Variants in GTPBP1 observed in about 807,000 individuals in gnomAD.
GTPBP1 encodes the protein GTP binding protein 1, also known as GTP-binding protein 1.
Under a neutral mutation model 62.0 loss-of-function variants are expected in GTPBP1, and 23 were observed. The observed-to-expected ratio is 0.37, with a 90% confidence interval of 0.27 to 0.53. The LOEUF (loss-of-function observed/expected upper bound fraction) is 0.53, where lower values mean the gene tolerates loss of function less well. GTPBP1 is among the 20% of genes least tolerant of loss of function. GTPBP1 has a pLI of 0.89. For synonymous variants in GTPBP1, 344 were observed against 364.4 expected (o/e 0.94, Z 0.64); for missense variants, 640 against 917.3 (o/e 0.70, Z 3.90).
chr22:38,710,481 C>G (rs773815954), intron 2 of GTPBP1, among the ~76,000 whole-genome samples: 6 of 152,166 alleles, frequency 3.9e-5, no homozygotes, highest in Non-Finnish European at 8.8e-5. Context: ...CTTGCTGCTA[C>G]CTCTCTAGTT....
chr22:38,723,041 ATG>A, intron 5 of GTPBP1: 1 of 792,834 alleles, frequency 1.3e-6, no homozygotes, highest in South Asian at 1.4e-5. Flanking sequence ...TGGGATGTTC[ATG>A]TGGTCCAAAC....
chr22:38,738,845 C>T (rs907628457), downstream of GTPBP1: 13 of 1,595,304 alleles, frequency 8.1e-6, no homozygotes, highest in African/African-American at 8.0e-5. This position sits in a 1 kb window ranked among gnomAD's most constrained non-coding sequence, Gnocchi z 6.6. Context: ...GCTCAGAGCC[C>T]CCGCTGCTGT....
chr22:38,706,089 A>G lies in GTPBP1; in HGVS notation c.134A>G (p.Asp45Gly). 7.5e-7 allele frequency: 1 copy of G among 1,328,548 alleles called. No homozygotes were observed. The highest frequency in any genetic ancestry group is 9.6e-7 in the Non-Finnish European group (1 of 1,039,602). 82.3% of individuals were successfully genotyped at this position (1,328,548 alleles called of 1,614,324 possible). ...CGACTCCACGGCGGCTTTGACTCGG[A>G]CTGCAGCGAGGACGGCGAGGCGCTC... ...AARLHGGFDSDCSEDGEALNG... is the reference protein window; with the variant it reads ...AARLHGGFDSGCSEDGEALNG... Residue 45 changes from aspartate to glycine, a missense_variant, in exon 1 of 12, where the codon GAC becomes GGC. By Grantham distance (94) the Asp-to-Gly change is moderately conservative (BLOSUM62 -1). Transcript: ENST00000216044.
rs2092669375 is a variant in GTPBP1, at chr22:38,716,179, C to A, written c.485+92C>A. 3 of 1,051,112 alleles carry A rather than the reference C, an allele frequency of 2.9e-6. No individual in the cohort carries two copies. The highest frequency in any genetic ancestry group is 4.3e-6 in the Non-Finnish European group (3 of 701,386). 65.1% of individuals were successfully genotyped at this position (1,051,112 alleles called of 1,614,324 possible). On this transcript the variant is annotated intron_variant, in intron 3 of 11. Transcript: ENST00000216044. This position sits in a 1 kb window ranked among gnomAD's most constrained non-coding sequence, Gnocchi z 5.2. ...ACTTGGCGTGTCAGCTCCATCCTTT[C>A]CCCTCCTGAGGCGGGGAAAGAGTGT...
downstream of GTPBP1, chr22:38,738,502 G>A (rs1233749507): frequency 6.5e-7 from 1 of 1,535,202 alleles, no homozygotes; most frequent in African/African-American, 1.4e-5. The surrounding 1 kb of genome is among the most constrained non-coding windows in gnomAD (Gnocchi z 6.6). Context: ...TCCAGTCCAA[G>A]GGTGACCCTG....
chr22:38,738,807 G>A, downstream of GTPBP1: 2 of 1,600,134 alleles, frequency 1.2e-6, no homozygotes, highest in South Asian at 1.1e-5. The surrounding 1 kb of genome is among the most constrained non-coding windows in gnomAD (Gnocchi z 6.6). Flanking sequence ...AGCTCTTGCT[G>A]ACCCCAGATG....
chr22:38,742,291 C>T, downstream of GTPBP1: 3 of 1,586,766 alleles, frequency 1.9e-6, no homozygotes, highest in Non-Finnish European at 2.6e-6. Flanking sequence ...TGAGGTATTC[C>T]ACCTCCTACC....
chr22:38,711,023 C>T (rs1301692409), intron 2 of GTPBP1, among the ~76,000 whole-genome samples: 1 of 152,140 alleles, frequency 6.6e-6, no homozygotes, highest in Non-Finnish European at 1.5e-5. Flanking sequence ...AGTGACTCCT[C>T]CTGCTGGAAT....
intron 4 of GTPBP1, among the ~76,000 whole-genome samples, chr22:38,717,251 CT>C (rs1569279065): frequency 6.6e-6 from 1 of 152,156 alleles, no homozygotes; most frequent in Non-Finnish European, 1.5e-5. Flanking sequence ...CCTTGAAGAC[CT>C]GTCTTATTTT....
At chr22:38,721,206 A>C (rs1020640024) in intron 4 of GTPBP1, among the ~76,000 whole-genome samples, 2 of 152,136 alleles carry the variant, frequency 1.3e-5, no homozygotes, top group African/African-American at 4.8e-5. Flanking sequence ...CAGCCTCCTG[A>C]GTAGCTGGGA....
chr22:38,729,555 GA>G lies in GTPBP1; in HGVS notation c.1811del (p.Glu604GlyfsTer10). 6.2e-7 allele frequency: 1 copy of G among 1,604,760 alleles called. No individual in the cohort carries two copies. On this transcript the variant is annotated frameshift_variant, in exon 11 of 12. Transcript: ENST00000216044. LOFTEE classifies it high-confidence loss of function. ...AAAGGGCCCCCTGACGAAACGAGAC[GA>G]GGGGGGCCCGTCTGGTGGGCCAGCA... ...TKKGPLTKRD[E>X]GGPSGGPAVG...
intron 11 of GTPBP1, 146 bp downstream of exon 11, chr22:38,729,808 A>C (rs911941014): frequency 5.8e-6 from 3 of 513,816 alleles, no homozygotes; most frequent in Admixed American, 4.0e-5. Context: ...CCTAAGAATG[A>C]GGCATTTGTC....
chr22:38,708,978 C>CT, intron 2 of GTPBP1, 22 bp downstream of exon 2: 1 of 1,419,146 alleles, frequency 7.0e-7, no homozygotes, highest in Non-Finnish European at 1.0e-6. Flanking sequence ...TTTCCTTTCA[C>CT]TTTATTTTTA....
In GTPBP1 at chr22:38,726,589, C is replaced by A; in HGVS notation, c.1401+149C>A. On this transcript the variant is annotated intron_variant, in intron 8 of 11. Transcript: ENST00000216044. The surrounding 1 kb of genome is among the most constrained non-coding windows in gnomAD (Gnocchi z 4.1). ...TTTTACAGATGAGGAAACTGAGGCT[C>A]AGAGCCCAGGGACTTGCCCAAGACA... 1.4e-6 allele frequency: 1 copy of A among 695,384 alleles called. No individual in the cohort carries two copies. The highest frequency in any genetic ancestry group is 2.4e-6 in the Non-Finnish European group (1 of 413,114). 43.1% of individuals were successfully genotyped at this position (695,384 alleles called of 1,614,324 possible). A position where few individuals can be genotyped will look rare whatever the true frequency, so the allele number is the denominator to read the frequency against.
At chr22:38,712,017 A>G (rs2145844856) in intron 2 of GTPBP1, among the ~76,000 whole-genome samples, 1 of 152,120 alleles carries the variant, frequency 6.6e-6, no homozygotes, top group Non-Finnish European at 1.5e-5. Context: ...CGTAGCTGGG[A>G]CTACAGGTAC....
intron 2 of GTPBP1, among the ~76,000 whole-genome samples, chr22:38,710,471 C>T (rs2092631817): frequency 6.6e-6 from 1 of 152,172 alleles, no homozygotes; most frequent in Non-Finnish European, 1.5e-5. Flanking sequence ...CCTTCCCATC[C>T]TTGCTGCTAC....
downstream of GTPBP1, chr22:38,741,026 G>GC: frequency 6.3e-7 from 1 of 1,597,990 alleles, no homozygotes. Context: ...TCTGACTTCA[G>GC]CTGCTGGATG....
intron 6 of GTPBP1, 148 bp from the exon 7 acceptor site, chr22:38,725,858 C>T (rs1293772665): frequency 6.8e-6 from 5 of 739,950 alleles, no homozygotes; most frequent in East Asian, 2.5e-5. Flanking sequence ...AGAGGTCAAG[C>T]CCTTGGAGGC....
chr22:38,739,449 CGGTTGCAGCA>C (rs774117738), downstream of GTPBP1: 31 of 1,612,060 alleles, frequency 1.9e-5, no homozygotes, highest in Non-Finnish European at 2.3e-5. This position sits in a 1 kb window ranked among gnomAD's most constrained non-coding sequence, Gnocchi z 6.7. Context: ...CACCAGGAGA[CGGTTGCAGCA>C]GGGAGCAGAC....
Sources: allele counts gnomAD v4.1 joint callset (sites outside exome capture counted in the v4.1 genomes callset), GRCh38; gene constraint gnomAD v4.1.1; non-coding constraint Gnocchi (gnomAD v3.1); transcripts MANE v1.5; gene names NCBI Gene and HGNC (gene_info 2026-07-23, HGNC 2026-07-21).